The following ZNF284 variants were observed in gnomAD, a reference collection of about 807,000 sequenced individuals.
ZNF284 encodes zinc finger protein 284.
ZNF284 carries 12 observed loss-of-function variants against 12.9 expected under a neutral mutation model. That is an observed-to-expected ratio of 0.93 (90% CI 0.60 to 1.51). ZNF284 has a LOEUF of 1.51. ZNF284 is among the 40% of genes most tolerant of loss of function. The pLI, the probability that ZNF284 is intolerant of heterozygous loss-of-function variation, is 0.00. For missense variants in ZNF284, 667 were observed against 707.3 expected (o/e 0.94, Z 0.65); for synonymous variants, 225 against 236.5 (o/e 0.95, Z 0.45).
intron 4 of ZNF284, 135 bp from the exon 5 acceptor site, chr19:44,085,579 C>A: frequency 2.7e-6 from 2 of 749,012 alleles, no homozygotes; most frequent in Non-Finnish European, 4.3e-6. Context: ...AACGAGAGAC[C>A]GTGGTGCACT....
chr19:44,082,243 C>T (rs923209539), intron 4 of ZNF284, 138 bp downstream of exon 4: 2 of 629,616 alleles, frequency 3.2e-6, no homozygotes, highest in Non-Finnish European at 5.5e-6. Flanking sequence ...GCTGGTTGTC[C>T]TGCTCCCCCA....
rs141937203 is a variant in ZNF284, at chr19:44,076,710, A to G, written c.15+306A>G. 7.4e-3 allele frequency among the ~76,000 whole-genome samples: 1,122 copies of G among 152,082 alleles called. 8 individuals carry two copies. Among genetic ancestry groups the G allele is most frequent in the South Asian group, 0.056 (267 of 4,804 alleles). On this transcript the variant is annotated intron_variant, in intron 2 of 4. Coordinates refer to ENST00000421176, the MANE Select transcript of ZNF284 (RefSeq NM_001037813.4). Reference sequence around the variant, plus strand: ...ATGCTATTCCTCATGTATATTCATAACTGTATTTGTATTGATACTTATCTA... The same window carrying G: ...ATGCTATTCCTCATGTATATTCATAGCTGTATTTGTATTGATACTTATCTA...
Position 44,086,728 on chromosome 19 carries a change from A to G in ZNF284, c.1250A>G (p.His417Arg), listed in dbSNP as rs1338108639. 5.0e-6 allele frequency: 8 copies of G among 1,614,052 alleles called. No individual in the cohort carries two copies. Among genetic ancestry groups the G allele is most frequent in the Non-Finnish European group, 8.5e-7 (1 of 1,180,004 alleles). Residue 417 changes from histidine (H) to arginine (R), a missense_variant, in exon 5 of 5, where the codon CAT (histidine) becomes CGT (arginine). Coordinates refer to ENST00000421176, the MANE Select transcript of ZNF284 (RefSeq NM_001037813.4). ...RFYMNSQGHS[H>R]QRAYREEELY... ...TATATGAATTCACAGGGCCATTCAC[A>G]TCAGAGAGCCTATAGAGAAGAAGAA...
chr19:44,081,998 T>A lies in ZNF284; in HGVS notation c.143-15T>A. ...CTAAGATGTATTGGGATTAAGCATG[T>A]GACTTTGTTCACAGGGCATCAACTT... is the stretch of plus-strand genomic sequence containing the variant. On this transcript the variant is annotated splice_polypyrimidine_tract_variant and intron_variant, in intron 3 of 4. Coordinates refer to ENST00000421176, the MANE Select transcript of ZNF284 (RefSeq NM_001037813.4). The A allele has an allele frequency of 6.2e-7, 1 of 1,608,664 alleles. No homozygotes were observed. The highest frequency in any genetic ancestry group is 8.5e-7 in the Non-Finnish European group (1 of 1,176,126).
At chr19:44,072,947 G>A (rs1966969939) in intron 1 of ZNF284, among the ~76,000 whole-genome samples, 1 of 152,240 alleles carries the variant, frequency 6.6e-6, no homozygotes, top group African/African-American at 2.4e-5. Context: ...AAAGTTCCAC[G>A]AGAGTGGTCC....
intron 1 of ZNF284, among the ~76,000 whole-genome samples, chr19:44,075,006 AT>A (rs1251502696): frequency 1.3e-5 from 2 of 152,132 alleles, no homozygotes; most frequent in African/African-American, 2.4e-5. Flanking sequence ...TCTCAAAAAA[AT>A]AATTAAATAT....
In ZNF284 at chr19:44,086,244, GA is replaced by G; in HGVS notation, c.771del (p.Lys257AsnfsTer154). 3.1e-6 allele frequency: 5 copies of G among 1,614,174 alleles called. No homozygotes were observed. Among genetic ancestry groups the G allele is most frequent in the Non-Finnish European group, 4.2e-6 (5 of 1,180,020 alleles). On this transcript the variant is annotated frameshift_variant, in exon 5 of 5. Transcript: ENST00000421176. LOFTEE classifies it low-confidence loss of function (END_TRUNC). Reference sequence around the variant, plus strand: ...TGTTCATTGCAAATTACACACAGGAGAAAAACCTCATATTTGTGAGGAATGT... The same window carrying G: ...TGTTCATTGCAAATTACACACAGGAGAAAACCTCATATTTGTGAGGAATGT... ...MYVHCKLHTG[E>X]KPHICEECGK...
Position 44,085,961 on chromosome 19 carries a change from C to T in ZNF284, c.483C>T (p.Ile161=). The T allele has an allele frequency of 6.2e-7, 1 of 1,614,108 alleles. No individual in the cohort carries two copies. Among genetic ancestry groups the T allele is most frequent in the East Asian group, 2.2e-5 (1 of 44,888 alleles). Residue 161 remains isoleucine (I), a synonymous_variant, in exon 5 of 5, where the codon ATC becomes ATT. Transcript: ENST00000421176. The part of the protein sequence containing the change: ...KCKKFFSDVS[I]LDLHQQLHSG... ...AAAAATTCTTCAGTGATGTCTCCATCCTTGATCTTCATCAACAATTACACT... is the reference window on the plus strand; with the variant it reads ...AAAAATTCTTCAGTGATGTCTCCATTCTTGATCTTCATCAACAATTACACT...
intron 1 of ZNF284, among the ~76,000 whole-genome samples, chr19:44,073,927 G>A (rs549031888): frequency 1.3e-5 from 2 of 152,226 alleles, no homozygotes; most frequent in South Asian, 2.1e-4. Flanking sequence ...TTAAAAAAAT[G>A]TGTTTTCCCT....
At chr19:44,073,138 A>C (rs1027515264) in intron 1 of ZNF284, among the ~76,000 whole-genome samples, 3 of 152,216 alleles carry the variant, frequency 2.0e-5, no homozygotes, top group African/African-American at 7.2e-5. Context: ...TTTCAGTTTT[A>C]AAGATGAGTG....
In ZNF284 at chr19:44,087,032, G is replaced by C. The variant is rs1411319672; in HGVS notation, c.1554G>C (p.Lys518Asn). ...CTTACAAATGTGAGGAGTGTGGAAA[G>C]GGATTCAGATGGGCCTCAACTCATC... ...EKPYKCEECG[K>N]GFRWASTHLT... is the part of the protein sequence containing the mutation. Residue 518 changes from lysine (K) to asparagine (N), a missense_variant, in exon 5 of 5, where the codon AAG (lysine) becomes AAC (asparagine). Coordinates refer to ENST00000421176, the MANE Select transcript of ZNF284 (RefSeq NM_001037813.4). The C allele has an allele frequency of 3.1e-6, 5 of 1,614,146 alleles. No individual in the cohort carries two copies. In the East Asian group the frequency reaches 1.1e-4, roughly 36 times the overall value.
At chr19:44,083,975 C>T (rs76044189) in intron 4 of ZNF284, among the ~76,000 whole-genome samples, 2 of 152,156 alleles carry the variant, frequency 1.3e-5, no homozygotes, top group African/African-American at 4.8e-5. Context: ...GGTCTCCAGA[C>T]AGCATGCTTG....
At chr19:44,074,275 C>T (rs1342130311) in intron 1 of ZNF284, among the ~76,000 whole-genome samples, 1 of 152,042 alleles carries the variant, frequency 6.6e-6, no homozygotes, top group Non-Finnish European at 1.5e-5. Context: ...ATCGCTTGAA[C>T]CCGGGAGGCG....
chr19:44,079,776 A>G (rs1967091232), intron 2 of ZNF284, among the ~76,000 whole-genome samples: 2 of 152,148 alleles, frequency 1.3e-5, no homozygotes, highest in East Asian at 3.9e-4. Context: ...TAAAAATACA[A>G]AACTAGCTGG....
rs1056612601 is a variant in ZNF284, at chr19:44,087,374, C to A, written c.*114C>A. The A allele has an allele frequency of 7.0e-6, 6 of 855,898 alleles. No homozygotes were observed. In the African/African-American group the frequency reaches 1.0e-4, roughly 15 times the overall value. The allele number at this position is 855,898 out of a possible 1,614,324, so 53.0% of individuals were successfully genotyped here. A position where few individuals can be genotyped will look rare whatever the true frequency, so the allele number is the denominator to read the frequency against. On this transcript the variant is annotated 3_prime_UTR_variant, in exon 5 of 5. Coordinates refer to ENST00000421176, the MANE Select transcript of ZNF284 (RefSeq NM_001037813.4). ...CCTCCTTTATCATTTATTTGTGGAT[C>A]ATTTATCATTTCTTTGTGCTTTGAA... is the stretch of plus-strand genomic sequence containing the variant.
rs1475251227 is a variant in ZNF284 at position 44,086,549 on chromosome 19, T to C, written c.1071T>C (p.Asp357=). ...ECGRSFTCRQ[D]LCKHQMDHTG... is the part of the protein sequence containing the mutation. ...GAAGGAGCTTCACTTGTAGGCAAGA[T>C]CTTTGTAAGCATCAGATGGACCATA... The change falls in exon 5 of 5, where the codon GAT becomes GAC. Residue 357 remains aspartate, a synonymous_variant. Transcript: ENST00000421176. The C allele has an allele frequency of 6.2e-7, 1 of 1,614,038 alleles. No homozygotes were observed. The highest frequency in any genetic ancestry group is 1.3e-5 in the African/African-American group (1 of 74,920).
chr19:44,081,660 C>T (rs919008872), intron 3 of ZNF284, among the ~76,000 whole-genome samples: 7 of 151,722 alleles, frequency 4.6e-5, no homozygotes. Flanking sequence ...TGCAGTGAGC[C>T]GAGATCGCAT....
intron 4 of ZNF284, 78 bp from the exon 5 acceptor site, chr19:44,085,636 C>A (rs1967219878): frequency 1.6e-6 from 2 of 1,271,792 alleles, no homozygotes; most frequent in African/African-American, 1.5e-5. Flanking sequence ...AAGTTTCAGG[C>A]CATGTCCTAA....
chr19:44,085,915 C>T lies in ZNF284; in HGVS notation c.437C>T (p.Pro146Leu). ...TCTATAATTCACATAGGAGAGACAC[C>T]TTCTGAGCATGGGAAGTGTAAAAAA... ...GLSIIHIGET[P>L]SEHGKCKKFF... The change falls in exon 5 of 5, where the codon CCT (proline) becomes CTT (leucine). Residue 146 changes from proline to leucine, a missense_variant. By Grantham distance (98) the Pro-to-Leu change is moderately conservative. Coordinates refer to ENST00000421176, the MANE Select transcript of ZNF284 (RefSeq NM_001037813.4). 1 of 1,614,192 alleles carries T rather than the reference C, an allele frequency of 6.2e-7. No individual in the cohort carries two copies. The highest frequency in any genetic ancestry group is 8.5e-7 in the Non-Finnish European group (1 of 1,180,034).
Sources: allele counts gnomAD v4.1 joint callset (sites outside exome capture counted in the v4.1 genomes callset), GRCh38; gene constraint gnomAD v4.1.1; transcripts MANE v1.5; gene names NCBI Gene and HGNC (gene_info 2026-07-23, HGNC 2026-07-21).